The following BCL2L13 variants were observed in gnomAD, a reference collection of about 807,000 sequenced individuals.
The protein encoded by BCL2L13 is bcl-2-like protein 13.
BCL2L13 carries 13 observed loss-of-function variants against 25.8 expected under a neutral mutation model. The ratio of observed to expected loss-of-function variants is 0.50; its 90% CI spans 0.33 to 0.80. BCL2L13 has a LOEUF of 0.80. BCL2L13 is among the 30% of genes least tolerant of loss of function. The probability of loss-of-function intolerance (pLI) is 0.02; values close to 1 mark genes in which losing one functional copy is unlikely to be tolerated. For missense variants in BCL2L13, 504 were observed against 574.9 expected, an observed-to-expected ratio of 0.88 and a Z score of 1.26; for synonymous variants, 244 against 230.3, an observed-to-expected ratio of 1.06 and a Z score of -0.54.
intron 4 of BCL2L13, chr22:17,695,871 G>A (rs769301706): frequency 3.2e-6 from 1 of 315,074 alleles, no homozygotes; most frequent in Non-Finnish European, 6.0e-6. Flanking sequence ...ATCCTATCCT[G>A]TAAGTTCCAA....
At chr22:17,682,575 A>G (rs1007137513) in intron 2 of BCL2L13, among the ~76,000 whole-genome samples, 1 of 152,168 alleles carries the variant, frequency 6.6e-6, no homozygotes, top group Non-Finnish European at 1.5e-5. Flanking sequence ...CATTGTCTAC[A>G]AAAAGAGAGG....
At chr22:17,723,843 G>C (rs1488512545) in intron 6 of BCL2L13, among the ~76,000 whole-genome samples, 1 of 151,094 alleles carries the variant, frequency 6.6e-6, no homozygotes, top group African/African-American at 2.4e-5. Context: ...TGAGGCAGGA[G>C]AATCACTTGA....
In BCL2L13 at chr22:17,729,281, T is replaced by C. The variant is rs886616067; in HGVS notation, c.*1747T>C. ...CCAGCTTTATCCTGTAGCGTGTCTT[T>C]GTTCTGTGTTTTAGTGTCCCATTTA... On this transcript the variant is annotated 3_prime_UTR_variant, in exon 7 of 7. Coordinates refer to ENST00000317582, the MANE Select transcript of BCL2L13 (RefSeq NM_015367.4). 46 of 152,158 alleles carry C rather than the reference T, an allele frequency of 3.0e-4. No homozygotes were observed. Among genetic ancestry groups the C allele is most frequent in the African/African-American group, 1.0e-3 (42 of 41,434 alleles). The allele number at this position is 152,158 out of a possible 1,614,324, so 9.4% of individuals were successfully genotyped here.
intron 6 of BCL2L13, among the ~76,000 whole-genome samples, chr22:17,704,631 C>T (rs545762503): frequency 6.6e-6 from 1 of 152,016 alleles, no homozygotes; most frequent in African/African-American, 2.4e-5. Context: ...CAAAAATCAT[C>T]TGGGTGTGGC....
intron 2 of BCL2L13, among the ~76,000 whole-genome samples, chr22:17,662,683 G>T (rs2059112532): frequency 6.6e-6 from 1 of 151,874 alleles, no homozygotes; most frequent in Non-Finnish European, 1.5e-5. Flanking sequence ...GCTGGGTATG[G>T]TAGTGCGCAC....
At chr22:17,642,347 C>T (rs549027824) in intron 1 of BCL2L13, among the ~76,000 whole-genome samples, 8 of 151,620 alleles carry the variant, frequency 5.3e-5, no homozygotes, top group African/African-American at 1.5e-4. Flanking sequence ...TTAGTAGAGA[C>T]GGGGTTTTGC....
intron 1 of BCL2L13, among the ~76,000 whole-genome samples, chr22:17,650,292 T>C (rs1207440022): frequency 6.6e-6 from 1 of 152,230 alleles, no homozygotes; most frequent in Admixed American, 6.5e-5. Context: ...TCTTTCTACC[T>C]TTCTGTTTCA....
intron 6 of BCL2L13, among the ~76,000 whole-genome samples, chr22:17,713,902 A>G (rs926705079): frequency 6.6e-6 from 1 of 151,998 alleles, no homozygotes; most frequent in African/African-American, 2.4e-5. Flanking sequence ...ACAGTTTGGG[A>G]GGCCGAGGCG....
Position 17,632,867 on chromosome 22 carries a change from C to T in BCL2L13, c.-650+3862C>T, listed in dbSNP as rs191699975. On this transcript the variant is annotated intron_variant, in intron 1 of 6. Coordinates refer to the BCL2L13 transcript ENST00000399782. Reference sequence around the variant, plus strand: ...CTCCCGGGTTCAAGCAATTCTCCTGCCTCAGCCTCCCGAGTAGCTGAGACT... The same window carrying T: ...CTCCCGGGTTCAAGCAATTCTCCTGTCTCAGCCTCCCGAGTAGCTGAGACT... Among the ~76,000 whole-genome samples, 650 of 151,408 alleles carry T rather than the reference C, an allele frequency of 4.3e-3. 4 individuals carry two copies. Among genetic ancestry groups the T allele is most frequent in the African/African-American group, 0.015 (630 of 41,252 alleles).
In BCL2L13 at chr22:17,651,500, G is replaced by A. The variant is rs188141384; in HGVS notation, c.-50-4162G>A. ...AGGTTCAATTGATTTTCCTGCCTCC[G>A]CCTCCCGAGTAGCTGGGATTACAGG... On this transcript the variant is annotated intron_variant, in intron 1 of 6. Transcript: ENST00000317582. Among the ~76,000 whole-genome samples the A allele has an allele frequency of 5.0e-3, 760 of 150,964 alleles. 3 individuals carry two copies. The highest frequency in any genetic ancestry group is 0.016 in the African/African-American group (667 of 41,024).
upstream of BCL2L13, among the ~76,000 whole-genome samples, chr22:17,636,195 A>G (rs766422367): frequency 2.6e-5 from 4 of 151,854 alleles, no homozygotes; most frequent in Admixed American, 6.6e-5. Context: ...ATAGTGGTGC[A>G]CACCTGTAGT....
intron 6 of BCL2L13, among the ~76,000 whole-genome samples, chr22:17,708,794 G>A (rs543045154): frequency 2.0e-5 from 3 of 152,218 alleles, no homozygotes; most frequent in South Asian, 2.1e-4. Context: ...CAAATATTTT[G>A]TATTAAAAAC....
chr22:17,716,939 G>A (rs1254924154), intron 6 of BCL2L13, among the ~76,000 whole-genome samples: 5 of 152,124 alleles, frequency 3.3e-5, no homozygotes, highest in Non-Finnish European at 5.9e-5. Flanking sequence ...TAGAGGCAAT[G>A]TTTTATATCA....
intron 5 of BCL2L13, among the ~76,000 whole-genome samples, chr22:17,696,981 A>C (rs1220158673): frequency 1.3e-5 from 2 of 152,122 alleles, no homozygotes; most frequent in Non-Finnish European, 2.9e-5. Context: ...CAGGACAGTT[A>C]CTTTTATAGA....
intron 2 of BCL2L13, among the ~76,000 whole-genome samples, chr22:17,668,771 G>GT (rs1175922659): frequency 6.6e-6 from 1 of 151,820 alleles, no homozygotes; most frequent in Non-Finnish European, 1.5e-5. Context: ...GGCCTGATCT[G>GT]TTTTGAGTTA....
chr22:17,715,331 G>A lies in BCL2L13; in HGVS notation c.601-11346G>A, dbSNP rs369056984. On this transcript the variant is annotated intron_variant, in intron 6 of 6. Coordinates refer to ENST00000317582, the MANE Select transcript of BCL2L13 (RefSeq NM_015367.4). ...TGAGTAGCTGGGACTACAGGCATGC[G>A]CAACCACTCCCGGCCAATTTTGGTA... 1.2e-3 allele frequency among the ~76,000 whole-genome samples: 173 copies of A among 148,836 alleles called. 2 individuals carry two copies. The East Asian group carries it at 0.029, about 25-fold the overall frequency.
At chr22:17,675,788 T>C (rs2059559152) in intron 2 of BCL2L13, among the ~76,000 whole-genome samples, 1 of 152,204 alleles carries the variant, frequency 6.6e-6, no homozygotes, top group South Asian at 2.1e-4. Flanking sequence ...TGTTGTGCAA[T>C]GTCCAACAAA....
rs1353460450 is a variant in BCL2L13 at position 17,714,005 on chromosome 22, C to T, written c.600+11619C>T. Among the ~76,000 whole-genome samples, 21 of 151,184 alleles carry T rather than the reference C, an allele frequency of 1.4e-4. No individual in the cohort carries two copies. In the Admixed American group the frequency reaches 1.4e-3, roughly 10 times the overall value. The stretch of plus-strand genomic sequence containing the variant: ...CCAAAAGTATTTTAAAAAAATTAGC[C>T]AGGTGTGGCTGGGCGCGGAGGCTCA... On this transcript the variant is annotated intron_variant, in intron 6 of 6. Transcript: ENST00000317582.
At chr22:17,665,376 G>A (rs551051435) in intron 2 of BCL2L13, among the ~76,000 whole-genome samples, 16 of 152,114 alleles carry the variant, frequency 1.1e-4, no homozygotes, top group Non-Finnish European at 2.1e-4. Flanking sequence ...AAGTCTCTAG[G>A]AAGTTCCAGA....
Sources: allele counts gnomAD v4.1 joint callset (sites outside exome capture counted in the v4.1 genomes callset), GRCh38; gene constraint gnomAD v4.1.1; transcripts MANE v1.5; gene names NCBI Gene and HGNC (gene_info 2026-07-23, HGNC 2026-07-21).